Variants in ZNF277 observed in about 807,000 individuals in gnomAD.
ZNF277 encodes the protein nuclear receptor-interacting factor 4.
In ZNF277, 55 loss-of-function variants were observed where a neutral mutation model predicts 60.7. The observed-to-expected ratio is 0.91, with a 90% confidence interval of 0.73 to 1.13. The LOEUF (loss-of-function observed/expected upper bound fraction) is 1.13. ZNF277 is among the 50% of genes most tolerant of loss of function. ZNF277 has a pLI of 0.00. For missense variants in ZNF277, 510 were observed against 523.0 expected (o/e 0.98, Z 0.24); for synonymous variants, 178 against 179.3 (o/e 0.99, Z 0.06).
intron 1 of ZNF277, among the ~76,000 whole-genome samples, chr7:112,267,758 G>A (rs185936271): frequency 2.6e-5 from 4 of 152,208 alleles, no homozygotes; most frequent in Non-Finnish European, 5.9e-5. Context: ...GTCATGGAGG[G>A]AAAGAAAGTT....
intron 5 of ZNF277, 66 bp from the exon 6 acceptor site, chr7:112,327,651 T>G: frequency 8.1e-7 from 1 of 1,227,824 alleles, no homozygotes; most frequent in Non-Finnish European, 1.2e-6. Context: ...ATGTGAATGC[T>G]ATTCCAACCC....
chr7:112,254,104 T>C (rs1208325452), intron 1 of ZNF277, among the ~76,000 whole-genome samples: 1 of 152,228 alleles, frequency 6.6e-6, no homozygotes, highest in East Asian at 1.9e-4. Context: ...ATCTCTCTCA[T>C]GATCAAGACT....
rs766600517 is a variant in ZNF277, at chr7:112,309,334, C to G, written c.466-8848C>G. Among the ~76,000 whole-genome samples, 13 of 151,968 alleles carry G rather than the reference C, an allele frequency of 8.6e-5. 1 individual carries two copies. The highest frequency in any genetic ancestry group is 2.0e-4 in the Admixed American group (3 of 15,266). On this transcript the variant is annotated intron_variant, in intron 4 of 11. Coordinates refer to ENST00000361822, the MANE Select transcript of ZNF277 (RefSeq NM_021994.3). ...CAAGATTATAACCAACGAATACTTACAAAAACTGTGTTCAGGGAAGATTGT... is the reference window on the plus strand; with the variant it reads ...CAAGATTATAACCAACGAATACTTAGAAAAACTGTGTTCAGGGAAGATTGT...
In ZNF277 at chr7:112,296,040, C is replaced by G. The variant is rs140568998; in HGVS notation, c.382+83C>G. 6.6e-4 allele frequency: 777 copies of G among 1,169,612 alleles called. 3 individuals are homozygous for G. In the African/African-American group the frequency reaches 0.011, roughly 16 times the overall value. 72.5% of individuals were successfully genotyped at this position (1,169,612 alleles called of 1,614,324 possible). A position where few individuals can be genotyped will look rare whatever the true frequency, so the allele number is the denominator to read the frequency against. The stretch of plus-strand genomic sequence containing the variant: ...ATCTTACTGTCTTATATTAGAATTA[C>G]TTTTACTTTCATGATAGATAAAATT... On this transcript the variant is annotated intron_variant, in intron 3 of 11. Transcript: ENST00000361822.
Position 112,336,236 on chromosome 7 carries a change from T to A in ZNF277, c.869+65T>A, listed in dbSNP as rs919129949. 3.5e-6 allele frequency: 5 copies of A among 1,414,920 alleles called. No homozygotes were observed. In the African/African-American group the frequency reaches 5.8e-5, roughly 16 times the overall value. 87.6% of individuals were successfully genotyped at this position (1,414,920 alleles called of 1,614,324 possible). On this transcript the variant is annotated intron_variant, in intron 8 of 11. Transcript: ENST00000361822. The stretch of plus-strand genomic sequence containing the variant: ...AAGAGTAAGAAGACAATGCTTTAGT[T>A]TGGTTTAAATTATGAAGCGGGAACA...
At chr7:112,245,306 G>A (rs766585652) in intron 1 of ZNF277, among the ~76,000 whole-genome samples, 3 of 152,200 alleles carry the variant, frequency 2.0e-5, no homozygotes, top group Non-Finnish European at 4.4e-5. Context: ...TAGGGCAACT[G>A]GGTAAAGGTG....
At chr7:112,284,408 A>G (rs1163559835) in intron 1 of ZNF277, among the ~76,000 whole-genome samples, 2 of 152,174 alleles carry the variant, frequency 1.3e-5, no homozygotes, top group African/African-American at 2.4e-5. Context: ...GTAGCTATAT[A>G]CTAGTGGATG....
intron 1 of ZNF277, among the ~76,000 whole-genome samples, chr7:112,253,460 T>C (rs1791240723): frequency 6.6e-6 from 1 of 152,168 alleles, no homozygotes; most frequent in Admixed American, 6.5e-5. Context: ...CTACCTCTCA[T>C]GTTATTTTTC....
chr7:112,210,174 C>T (rs550814814), intron 1 of ZNF277, among the ~76,000 whole-genome samples: 1 of 152,138 alleles, frequency 6.6e-6, no homozygotes, highest in East Asian at 1.9e-4. Context: ...AAAACATACA[C>T]CTTTTTGACT....
chr7:112,314,234 G>A (rs1792792631), intron 4 of ZNF277, among the ~76,000 whole-genome samples: 2 of 151,998 alleles, frequency 1.3e-5, no homozygotes, highest in East Asian at 1.9e-4. Flanking sequence ...ACAAAAACAG[G>A]ACAAGAATAC....
chr7:112,243,879 G>A (rs1158675882), intron 1 of ZNF277, among the ~76,000 whole-genome samples: 1 of 152,042 alleles, frequency 6.6e-6, no homozygotes, highest in Non-Finnish European at 1.5e-5. Context: ...ATTTATAATA[G>A]CAAAGCATTG....
At chr7:112,281,454 A>C (rs1791941910) in intron 1 of ZNF277, among the ~76,000 whole-genome samples, 1 of 152,222 alleles carries the variant, frequency 6.6e-6, no homozygotes. Context: ...ACTTACATGA[A>C]GAGTGAAAAA....
Position 112,295,922 on chromosome 7 carries a change from G to T in ZNF277, c.347G>T (p.Cys116Phe). The change falls in exon 3 of 12, where the codon TGT (cysteine) becomes TTT (phenylalanine). Residue 116 changes from cysteine to phenylalanine, a missense_variant. Cys to Phe is a radical substitution (Grantham distance 205). Transcript: ENST00000361822. The stretch of plus-strand genomic sequence containing the variant: ...ACTGAACAGCCCATCACAGATTTTT[G>T]TAGTGTAATAAGAATTAATTCCACT... ...RFTEQPITDF[C>F]SVIRINSTAP... is the part of the protein sequence containing the mutation. The T allele has an allele frequency of 6.2e-7, 1 of 1,612,876 alleles. No individual in the cohort carries two copies. The highest frequency in any genetic ancestry group is 8.5e-7 in the Non-Finnish European group (1 of 1,179,266).
intron 4 of ZNF277, among the ~76,000 whole-genome samples, chr7:112,303,516 C>T (rs1010349556): frequency 2.0e-5 from 3 of 151,932 alleles, no homozygotes; most frequent in South Asian, 2.1e-4. Context: ...AATCCTATAC[C>T]GAGTCATGCC....
At chr7:112,324,778 G>T (rs932915802) in intron 5 of ZNF277, among the ~76,000 whole-genome samples, 1 of 152,132 alleles carries the variant, frequency 6.6e-6, no homozygotes, top group African/African-American at 2.4e-5. Flanking sequence ...CATATTATGG[G>T]AATTGGCTCA....
chr7:112,310,966 C>T (rs1434185344), intron 4 of ZNF277, among the ~76,000 whole-genome samples: 3 of 152,124 alleles, frequency 2.0e-5, no homozygotes, highest in Non-Finnish European at 2.9e-5. Flanking sequence ...TAGCTAATAA[C>T]ATCCATCTTG....
At chr7:112,260,685 A>G (rs1427092885) in intron 1 of ZNF277, among the ~76,000 whole-genome samples, 2 of 152,150 alleles carry the variant, frequency 1.3e-5, no homozygotes, top group African/African-American at 2.4e-5. Context: ...TTAATTTTCA[A>G]ATTCCATTTC....
At chr7:112,221,890 A>G (rs1822040883) in intron 1 of ZNF277, among the ~76,000 whole-genome samples, 1 of 152,182 alleles carries the variant, frequency 6.6e-6, no homozygotes, top group African/African-American at 2.4e-5. Flanking sequence ...GATTCCTTCT[A>G]TGCTTTTAAT....
Position 112,286,933 on chromosome 7 carries a change from C to A in ZNF277, c.152C>A (p.Thr51Asn), listed in dbSNP as rs769665209. The A allele has an allele frequency of 6.2e-7, 1 of 1,608,462 alleles. No individual in the cohort carries two copies. Among genetic ancestry groups the A allele is most frequent in the Admixed American group, 1.7e-5 (1 of 59,216 alleles). The change falls in exon 2 of 12, where the codon ACT becomes AAT. Residue 51 changes from threonine to asparagine, a missense_variant. Thr to Asn is a moderately conservative substitution (Grantham distance 65, BLOSUM62 0). Transcript: ENST00000361822. ...CCAGAAAGTCCAGGTGGCACCACCA[C>A]TTTAGAAGGTTCTCCATCTGTGCCT... Reference protein sequence around the residue: ...SLPESPGGTTTLEGSPSVPCI... With the variant: ...SLPESPGGTTNLEGSPSVPCI...
Sources: allele counts gnomAD v4.1 joint callset (sites outside exome capture counted in the v4.1 genomes callset), GRCh38; gene constraint gnomAD v4.1.1; transcripts MANE v1.5; gene names NCBI Gene and HGNC (gene_info 2026-07-23, HGNC 2026-07-21).